The following RECQL4 variants were observed in gnomAD, a reference collection of about 807,000 sequenced individuals.
RECQL4 encodes RecQ like helicase 4, also known as ATP-dependent DNA helicase Q4.
A neutral mutation model predicts 128.6 loss-of-function variants in RECQL4; 158 were observed. The ratio of observed to expected loss-of-function variants is 1.23; its 90% CI spans 1.08 to 1.40. RECQL4 has a LOEUF of 1.40. Among genes scored for constraint, RECQL4 ranks in the 40% most tolerant of loss-of-function variants. The pLI is 0.00. For synonymous variants in RECQL4, 996 were observed against 678.9 expected (o/e 1.47, Z -7.26); for missense variants, 2,293 against 1,649.8 (o/e 1.39, Z -6.75).
At position 144,517,162 on chromosome 8, in the gene RECQL4, T is replaced by C. The variant is rs1478497967; in HGVS notation, c.242A>G (p.His81Arg). 5 of 1,609,576 alleles carry C rather than the reference T, an allele frequency of 3.1e-6. No individual in the cohort carries two copies. The highest frequency in any genetic ancestry group is 4.2e-6 in the Non-Finnish European group (5 of 1,178,996). ...EAPEPRCWGPHLNRAATKSPQ... is the reference protein window; with the variant it reads ...EAPEPRCWGPRLNRAATKSPQ... ...ACTCTTGGTCGCAGCCCGATTCAGA[T>C]GGGGCCCCCAGCAGCGGGGCTCTGG... Residue 81 changes from histidine (H) to arginine (R), a missense_variant, in exon 4 of 21, where the codon CAT becomes CGT. By Grantham distance (29) the His-to-Arg change is conservative. Coordinates refer to ENST00000617875, the MANE Select transcript of RECQL4 (RefSeq NM_004260.4).
At position 144,512,975 on chromosome 8, in the gene RECQL4, T is replaced by G; in HGVS notation, c.2627A>C (p.Lys876Thr). ...GAVGGERPVP[K>T]YPPQEAEQLS... The stretch of plus-strand genomic sequence containing the variant: ...CTGCTCAGCCTCTTGAGGGGGGTAC[T>G]TGGGCACAGGCCTCTCCCCACCCAC... Residue 876 changes from lysine to threonine, a missense_variant, in exon 15 of 21, where the codon AAG (lysine) becomes ACG (threonine). Physicochemically the swap from Lys to Thr is moderately conservative, Grantham distance 78. Coordinates refer to ENST00000617875, the MANE Select transcript of RECQL4 (RefSeq NM_004260.4). 1 of 1,570,788 alleles carries G rather than the reference T, an allele frequency of 6.4e-7. No homozygotes were observed. Among genetic ancestry groups the G allele is most frequent in the South Asian group, 1.2e-5 (1 of 85,996 alleles).
rs370867731 is a variant in RECQL4 at position 144,512,261 on chromosome 8, G to T, written c.3119C>A (p.Pro1040Gln). ...FSELAFHLRS[P>Q]GDLTAEEKDQ... ...CTTCTCCTCAGCGGTCAAGTCCCCC[G>T]GGCTGCGAAGGTGGAAGGCCAGCTC... The change falls in exon 18 of 21, where the codon CCG becomes CAG. Residue 1040 changes from proline (P) to glutamine (Q), a missense_variant. Physicochemically the swap from Pro to Gln is moderately conservative, Grantham distance 76. Transcript: ENST00000617875. The T allele has an allele frequency of 2.3e-5, 37 of 1,612,352 alleles. No individual in the cohort carries two copies. The African/African-American group carries it at 3.7e-4, about 16-fold the overall frequency.
In RECQL4 at chr8:144,517,433, A is replaced by C; in HGVS notation, c.194T>G (p.Leu65Arg). 6.3e-7 allele frequency: 1 copy of C among 1,583,590 alleles called. No individual in the cohort carries two copies. Among genetic ancestry groups the C allele is most frequent in the Admixed American group, 1.7e-5 (1 of 57,316 alleles). The change falls in exon 3 of 21, where the codon CTC becomes CGC. Residue 65 changes from leucine to arginine, a missense_variant. Leu to Arg is a moderately radical substitution (Grantham distance 102, BLOSUM62 -2). Coordinates refer to ENST00000617875, the MANE Select transcript of RECQL4 (RefSeq NM_004260.4). Reference sequence around the variant, plus strand: ...GGGTACCTCTTCGGCCGCCGCGGGGAGCGACTCGGAGCTGCGGAGCCCGCC... The same window carrying C: ...GGGTACCTCTTCGGCCGCCGCGGGGCGCGACTCGGAGCTGCGGAGCCCGCC... The part of the protein sequence containing the change: ...AGGGLRSSES[L>R]PAAAEEAPEP...
chr8:144,515,837 G>A lies in RECQL4; in HGVS notation c.1185C>T (p.Ala395=), dbSNP rs539629689. Residue 395 remains alanine (A), a synonymous_variant, in exon 6 of 21, where the codon GCC becomes GCT. Coordinates refer to ENST00000617875, the MANE Select transcript of RECQL4 (RefSeq NM_004260.4). ...AACAAGACTCCTTGGTTGTGACTGT[G>A]GCACCACCACCCCCAAAACACTCCC... ...KKGECFGGGG[A]TVTTKESCFL... The A allele has an allele frequency of 3.1e-6, 5 of 1,612,858 alleles. No homozygotes were observed. Among genetic ancestry groups the A allele is most frequent in the Middle Eastern group, 3.3e-4 (2 of 6,062 alleles).
chr8:144,516,287 C>A lies in RECQL4; in HGVS notation c.832G>T (p.Glu278Ter). The stretch of plus-strand genomic sequence containing the variant: ...GATGGGGGTCCAGCTTGGCTGCTCT[C>A]CTGCTGGACCTGTGCGGGGCTCTCC... ...PWESPAQVQQ[E>*]SSQAGPPSEG... is the part of the protein sequence containing the mutation. The change falls in exon 5 of 21, where the codon GAG (glutamate) becomes TAG (stop). Residue 278 changes from glutamate to a stop codon, truncating the protein, a stop_gained. Coordinates refer to ENST00000617875, the MANE Select transcript of RECQL4 (RefSeq NM_004260.4). LOFTEE classifies it high-confidence loss of function. The A allele has an allele frequency of 6.2e-7, 1 of 1,610,982 alleles. No individual in the cohort carries two copies.
Position 144,513,935 on chromosome 8 carries a change from G to A in RECQL4, c.2051C>T (p.Thr684Ile), listed in dbSNP as rs911017899. The change falls in exon 12 of 21, where the codon ACA (threonine) becomes ATA (isoleucine). Residue 684 changes from threonine (T) to isoleucine (I), a missense_variant. By Grantham distance (89) the Thr-to-Ile change is moderately conservative. Transcript: ENST00000617875. The part of the protein sequence containing the change: ...LHLSVSMDRD[T>I]DQALLTLLQG... ...CAGAGCACACACACCCACCTGGTCT[G>A]TGTCCCTGTCCATGGACACGGAAAG... 1 of 1,555,030 alleles carries A rather than the reference G, an allele frequency of 6.4e-7. No individual in the cohort carries two copies. Among genetic ancestry groups the A allele is most frequent in the Non-Finnish European group, 8.7e-7 (1 of 1,150,242 alleles).
rs762028333 is a variant in RECQL4, at chr8:144,512,850, C to T, written c.2752G>A (p.Glu918Lys). 10 of 1,604,910 alleles carry T rather than the reference C, an allele frequency of 6.2e-6. No homozygotes were observed. Among genetic ancestry groups the T allele is most frequent in the East Asian group, 2.2e-5 (1 of 44,550 alleles). Residue 918 changes from glutamate to lysine, a missense_variant, in exon 15 of 21, where the codon GAG becomes AAG. Transcript: ENST00000617875. ...TGGCTTACCCCAGGTTCCTCACCCT[C>T]CTCCGGCATGTCCAAAGCCTGTACG... Reference protein sequence around the residue: ...LTVQALDMPEEAIETLLCYLE... With the variant: ...LTVQALDMPEKAIETLLCYLE...
Position 144,513,638 on chromosome 8 carries a change from C to T in RECQL4, c.2133G>A (p.Glu711=), listed in dbSNP as rs757809740. 47 of 1,590,874 alleles carry T rather than the reference C, an allele frequency of 3.0e-5. No homozygotes were observed. The highest frequency in any genetic ancestry group is 3.8e-5 in the Non-Finnish European group (45 of 1,169,368). ...GGAGCGCAGCGATCCGCTCTGTGTC[C>T]TCGCGCCGGTTGCAGTAAATGATAA... ...DSIIIYCNRR[E]DTERIAALLR... The change falls in exon 13 of 21, where the codon GAG becomes GAA. Residue 711 remains glutamate, a synonymous_variant. Transcript: ENST00000617875.
rs763717004 is a variant in RECQL4 at position 144,516,184 on chromosome 8, C to T, written c.935G>A (p.Ser312Asn). The T allele has an allele frequency of 6.2e-7, 1 of 1,613,458 alleles. No individual in the cohort carries two copies. The highest frequency in any genetic ancestry group is 8.5e-7 in the Non-Finnish European group (1 of 1,179,860). ...PVQAQPPQPC[S>N]SPSNPRYHGL... Reference sequence around the variant, plus strand: ...GTGGTACCTGGGGTTCGATGGGCTGCTGCAGGGCTGAGGTGGCTGTGCCTG... The same window carrying T: ...GTGGTACCTGGGGTTCGATGGGCTGTTGCAGGGCTGAGGTGGCTGTGCCTG... The change falls in exon 5 of 21, where the codon AGC becomes AAC. Residue 312 changes from serine (S) to asparagine (N), a missense_variant. Transcript: ENST00000617875.
rs780200030 is a variant in RECQL4 at position 144,512,041 on chromosome 8, C to G, written c.3263G>C (p.Cys1088Ser). The G allele has an allele frequency of 1.2e-6, 2 of 1,608,374 alleles. No homozygotes were observed. Among genetic ancestry groups the G allele is most frequent in the Non-Finnish European group, 1.7e-6 (2 of 1,178,678 alleles). ...HSVAFPSCGP[C>S]LEQQDEERST... ...GCGCTCCTCATCCTGCTGCTCCAGG[C>G]AGGGCCCGCAGCTGGGGAAGGCTAC... Residue 1088 changes from cysteine to serine, a missense_variant, in exon 19 of 21, where the codon TGC becomes TCC. By Grantham distance (112) the Cys-to-Ser change is moderately radical. Transcript: ENST00000617875.
rs1205893315 is a variant in RECQL4 at position 144,514,117 on chromosome 8, A to T, written c.1879-10T>A. ...TGCGCTCCCGAAGCACCTGCACCAG[A>T]GGCGGCAGTGGTGTGAGGCCGCCCA... On this transcript the variant is annotated splice_polypyrimidine_tract_variant and intron_variant, in intron 11 of 20. Transcript: ENST00000617875. 3 of 1,608,500 alleles carry T rather than the reference A, an allele frequency of 1.9e-6. No homozygotes were observed. The highest frequency in any genetic ancestry group is 2.7e-5 in the African/African-American group (2 of 74,820).
rs770762372 is a variant in RECQL4 at position 144,515,320 on chromosome 8, G to T, written c.1390+6C>A. On this transcript the variant is annotated splice_donor_region_variant and intron_variant, in intron 7 of 20. Transcript: ENST00000617875. Reference sequence around the variant, plus strand: ...GAAGGCTCTGGGCCAGAAGCTGACTGCTCACCTGCCAACTGCCCTGAGGGC... The same window carrying T: ...GAAGGCTCTGGGCCAGAAGCTGACTTCTCACCTGCCAACTGCCCTGAGGGC... The T allele has an allele frequency of 3.7e-6, 6 of 1,612,328 alleles. No individual in the cohort carries two copies. The Middle Eastern group carries it at 9.9e-4, about 266-fold the overall frequency.
At position 144,511,329 on chromosome 8, in the gene RECQL4, T is replaced by G; in HGVS notation, c.*102A>C. The G allele has an allele frequency of 4.5e-6, 7 of 1,569,248 alleles. No homozygotes were observed. The highest frequency in any genetic ancestry group is 3.5e-6 in the Non-Finnish European group (4 of 1,153,346). On this transcript the variant is annotated 3_prime_UTR_variant, in exon 21 of 21. Coordinates refer to ENST00000617875, the MANE Select transcript of RECQL4 (RefSeq NM_004260.4). ...ATTTTTTATTCTGCATTTTGGAGCC[T>G]CCTCGTTCCCACACCCTGTGGCAGG...
intron 4 of RECQL4, 92 bp downstream of exon 4, chr8:144,516,958 T>C: frequency 6.6e-7 from 1 of 1,519,642 alleles, no homozygotes; most frequent in East Asian, 2.3e-5. Context: ...CAGGGGCCCG[T>C]GCCTGTCTGT....
rs779041769 is a variant in RECQL4 at position 144,517,488 on chromosome 8, T to A, written c.139A>T (p.Thr47Ser). ...GCCTGGCCCGTGGTACGCTTCAGAG[T>A]GCGGTATTCCCGGTAGAGCGCTGCG... ...ETRALYREYRTLKRTTGQAGG... is the reference protein window; with the variant it reads ...ETRALYREYRSLKRTTGQAGG... The change falls in exon 3 of 21, where the codon ACT (threonine) becomes TCT (serine). Residue 47 changes from threonine to serine, a missense_variant. Thr to Ser is a moderately conservative substitution (Grantham distance 58, BLOSUM62 1). Transcript: ENST00000617875. 6.9e-6 allele frequency: 11 copies of A among 1,597,424 alleles called. No homozygotes were observed. Among genetic ancestry groups the A allele is most frequent in the Non-Finnish European group, 9.4e-6 (11 of 1,176,456 alleles).
Position 144,514,249 on chromosome 8 carries a change from CTCA to C in RECQL4, c.1815_1817del (p.Asp605del). 1 of 1,612,276 alleles carries C rather than the reference CTCA, an allele frequency of 6.2e-7. No homozygotes were observed. Among genetic ancestry groups the C allele is most frequent in the Non-Finnish European group, 8.5e-7 (1 of 1,179,710 alleles). On this transcript the variant is annotated inframe_deletion, in exon 11 of 21. Coordinates refer to ENST00000617875, the MANE Select transcript of RECQL4 (RefSeq NM_004260.4). ...GGGACCACTGGGAGAGGCAGTGGGCCTCATCAATGCAGGCAAAAGCAACTGGAG... is the reference window on the plus strand; with the variant it reads ...GGGACCACTGGGAGAGGCAGTGGGCCTCAATGCAGGCAAAAGCAACTGGAG...
intron 9 of RECQL4, 144 bp downstream of exon 9, chr8:144,514,792 T>C (rs1827909309): frequency 1.8e-6 from 2 of 1,085,048 alleles, no homozygotes; most frequent in Non-Finnish European, 1.3e-6. Flanking sequence ...GCCTTTGACC[T>C]GCTGCCAAGA....
At chr8:144,517,219 G>A in intron 3 of RECQL4, 29 bp from the exon 4 acceptor site, 1 of 1,574,048 alleles carries the variant, frequency 6.4e-7, no homozygotes, top group Non-Finnish European at 8.6e-7. Context: ...GCACAGGCCA[G>A]AAAAGGCTGT....
At chr8:144,512,819 C>A (rs1586797926) in intron 15 of RECQL4, 28 bp downstream of exon 15, 3 of 1,609,068 alleles carry the variant, frequency 1.9e-6, no homozygotes, top group South Asian at 1.1e-5. Context: ...CCCCTCCACA[C>A]CCCTGTGGCT....
Sources: allele counts gnomAD v4.1 joint callset, GRCh38; gene constraint gnomAD v4.1.1; transcripts MANE v1.5; gene names NCBI Gene and HGNC (gene_info 2026-07-23, HGNC 2026-07-21).